RSPO4: variants seen among roughly 807,000 people sequenced by gnomAD.
RSPO4 encodes the protein R-spondin 4.
In RSPO4, 23 loss-of-function variants were observed where a neutral mutation model predicts 24.8. The observed-to-expected ratio is 0.93, with a 90% CI of 0.67 to 1.31. The LOEUF is 1.31. RSPO4 is among the 40% of genes most tolerant of loss of function. The pLI is 0.00. For missense variants in RSPO4, 333 were observed against 316.5 expected (o/e 1.05, Z -0.39); for synonymous variants, 141 against 127.4 (o/e 1.11, Z -0.72).
chr20:964,199 G>T, intron 3 of RSPO4, 79 bp from the exon 4 acceptor site: 1 of 1,179,046 alleles, frequency 8.5e-7, no homozygotes, highest in Non-Finnish European at 1.2e-6. Flanking sequence ...CCAAGGGCAG[G>T]GTTTGAGGGG....
At chr20:967,147 G>A (rs769646824) in intron 3 of RSPO4, 27 bp downstream of exon 3, 17 of 1,608,190 alleles carry the variant, frequency 1.1e-5, no homozygotes, top group Non-Finnish European at 1.4e-5. Flanking sequence ...GGAGGGGCAG[G>A]GGCAGGGCGG....
At chr20:995,408 G>A (rs983398205) in intron 1 of RSPO4, among the ~76,000 whole-genome samples, 10 of 152,122 alleles carry the variant, frequency 6.6e-5, no homozygotes, top group African/African-American at 9.7e-5. Context: ...GTAAGCTGGC[G>A]GTAGAGGCAT....
At chr20:982,758 T>G (rs1280132957) in intron 1 of RSPO4, among the ~76,000 whole-genome samples, 1 of 152,222 alleles carries the variant, frequency 6.6e-6, no homozygotes, top group East Asian at 1.9e-4. Context: ...GTGTATGACG[T>G]GCCCAGCAAT....
chr20:968,408 C>T (rs1984301474), intron 1 of RSPO4, among the ~76,000 whole-genome samples: 1 of 152,202 alleles, frequency 6.6e-6, no homozygotes, highest in Non-Finnish European at 1.5e-5. Context: ...CTCATCCTTT[C>T]TGTTGGGTGG....
chr20:990,501 C>T (rs539695259), intron 1 of RSPO4, among the ~76,000 whole-genome samples: 1 of 140,194 alleles, frequency 7.1e-6, no homozygotes, highest in Non-Finnish European at 1.5e-5. Context: ...TTCCCTCCTT[C>T]TTTCCTTCCT....
At chr20:977,930 G>A (rs368729368) in intron 1 of RSPO4, among the ~76,000 whole-genome samples, 4 of 152,300 alleles carry the variant, frequency 2.6e-5, no homozygotes, top group Middle Eastern at 3.4e-3. Context: ...CTGGGCACCC[G>A]CCTGCCCACT....
chr20:969,836 G>A (rs1984353581), intron 1 of RSPO4, among the ~76,000 whole-genome samples: 2 of 152,118 alleles, frequency 1.3e-5, no homozygotes, highest in South Asian at 2.1e-4. Flanking sequence ...CAGCAATTGG[G>A]GAAACAGTAA....
chr20:963,947 G>A lies in RSPO4; in HGVS notation c.583C>T (p.Pro195Ser). 6.2e-7 allele frequency: 1 copy of A among 1,613,864 alleles called. No homozygotes were observed. The highest frequency in any genetic ancestry group is 8.5e-7 in the Non-Finnish European group (1 of 1,180,044). Residue 195 changes from proline to serine, a missense_variant, in exon 4 of 5, where the codon CCC (proline) becomes TCC (serine). Physicochemically the swap from Pro to Ser is moderately conservative, Grantham distance 74 (BLOSUM62 -1). Coordinates refer to ENST00000217260, the MANE Select transcript of RSPO4 (RefSeq NM_001029871.4). ...SESRKCPIQRPCPGERSPGQK... is the reference protein window; with the variant it reads ...SESRKCPIQRSCPGERSPGQK... ...TCCTGGGGCTCACCTCCTGGGCAGG[G>A]CCTCTGGATGGGACATTTCCTTGAC...
At chr20:969,852 T>A (rs1295352727) in intron 1 of RSPO4, among the ~76,000 whole-genome samples, 1 of 152,120 alleles carries the variant, frequency 6.6e-6, no homozygotes, top group African/African-American at 2.4e-5. Context: ...AGTAAATGGT[T>A]TCATGTTTAT....
At chr20:997,888 C>T (rs769046490) in intron 1 of RSPO4, among the ~76,000 whole-genome samples, 4 of 152,204 alleles carry the variant, frequency 2.6e-5, no homozygotes, top group Admixed American at 2.0e-4. Context: ...GCTTAACCCA[C>T]GTGAGACCCC....
intron 1 of RSPO4, among the ~76,000 whole-genome samples, chr20:969,139 G>A (rs1038236748): frequency 3.9e-5 from 6 of 152,136 alleles, no homozygotes; most frequent in Non-Finnish European, 2.9e-5. Flanking sequence ...AATATGGCGA[G>A]GCCCTGTCTC....
intron 1 of RSPO4, among the ~76,000 whole-genome samples, chr20:989,228 G>A (rs1985017158): frequency 6.6e-6 from 1 of 152,140 alleles, no homozygotes; most frequent in Admixed American, 6.5e-5. Flanking sequence ...GCCCCTGGAA[G>A]TAGAGAGATG....
chr20:986,674 G>A (rs1370736193), intron 1 of RSPO4, among the ~76,000 whole-genome samples: 1 of 150,560 alleles, frequency 6.6e-6, no homozygotes, highest in Non-Finnish European at 1.5e-5. Flanking sequence ...GGGGTGCATG[G>A]AAAGCATGCC....
chr20:983,921 C>A (rs1984819696), intron 1 of RSPO4, among the ~76,000 whole-genome samples: 1 of 152,166 alleles, frequency 6.6e-6, no homozygotes, highest in South Asian at 2.1e-4. Flanking sequence ...GAGTGGCAAA[C>A]TCAAAGCCAG....
chr20:960,356 G>A lies in RSPO4; in HGVS notation c.*1C>T, dbSNP rs1484066268. 10 of 1,534,964 alleles carry A rather than the reference G, an allele frequency of 6.5e-6. No homozygotes were observed. The highest frequency in any genetic ancestry group is 8.7e-6 in the Non-Finnish European group (10 of 1,145,462). ...GACCAGAGAGTCGGGAGAGCCGGCG[G>A]TCAGGGCTGCAGGCCGGGCTGGCGC... is the stretch of plus-strand genomic sequence containing the variant. On this transcript the variant is annotated 3_prime_UTR_variant, in exon 5 of 5. Transcript: ENST00000217260.
intron 1 of RSPO4, among the ~76,000 whole-genome samples, chr20:987,791 A>G (rs1163224718): frequency 1.3e-5 from 2 of 151,966 alleles, no homozygotes; most frequent in African/African-American, 4.8e-5. Context: ...ACCCTGTCTC[A>G]AAAACAAACA....
chr20:961,336 C>T (rs775898170), intron 4 of RSPO4, among the ~76,000 whole-genome samples: 78 of 152,312 alleles, frequency 5.1e-4, no homozygotes, highest in Admixed American at 1.3e-3. Context: ...CATTTGAACA[C>T]GATGAACCTG....
intron 1 of RSPO4, among the ~76,000 whole-genome samples, chr20:999,756 T>C (rs768625250): frequency 6.6e-6 from 1 of 152,058 alleles, no homozygotes; most frequent in Non-Finnish European, 1.5e-5. Context: ...TGGTGAGCTG[T>C]AGATGGGGCG....
At position 1,002,242 on chromosome 20, in the gene RSPO4, C is replaced by A; in HGVS notation, c.-78G>T. The A allele has an allele frequency of 9.5e-7, 1 of 1,050,882 alleles. No individual in the cohort carries two copies. 65.1% of individuals were successfully genotyped at this position (1,050,882 alleles called of 1,614,324 possible). ...GCCCCACGTCCCGGCGGCGGCACGG[C>A]GGGCGCGGGGGCTGCTGTGGGCGCG... is the stretch of plus-strand genomic sequence containing the variant. On this transcript the variant is annotated 5_prime_UTR_variant, in exon 1 of 5. Coordinates refer to ENST00000217260, the MANE Select transcript of RSPO4 (RefSeq NM_001029871.4). This position sits in a 1 kb window ranked among gnomAD's most constrained non-coding sequence, Gnocchi z 4.6.
Sources: gnomAD v4.1 joint callset for allele counts (sites outside exome capture counted in the v4.1 genomes callset) on GRCh38, gnomAD v4.1.1 for gene constraint, Gnocchi (gnomAD v3.1) non-coding constraint, MANE v1.5 for transcripts, NCBI Gene and HGNC (gene_info 2026-07-23, HGNC 2026-07-21) for gene names.